The following IL1RAPL2 variants were observed in gnomAD, a reference collection of about 807,000 sequenced individuals.
IL1RAPL2 encodes the protein interleukin 1 receptor accessory protein like 2, also known as X-linked interleukin-1 receptor accessory protein-like 2.
In IL1RAPL2, 3 loss-of-function variants were observed where a neutral mutation model predicts 44.1. The ratio of observed to expected loss-of-function variants is 0.07; its 90% CI spans 0.03 to 0.18. The LOEUF (loss-of-function observed/expected upper bound fraction) is 0.18. Among genes scored for constraint, IL1RAPL2 ranks in the 10% least tolerant of loss-of-function variants. IL1RAPL2 has a pLI of 1.00. For missense variants in IL1RAPL2, 391 were observed against 496.4 expected, an observed-to-expected ratio of 0.79 and a Z score of 2.02; for synonymous variants, 181 against 178.8, an observed-to-expected ratio of 1.01 and a Z score of -0.10.
At chrX:105,273,345 G>C (rs748153322) in intron 5 of IL1RAPL2, among the ~76,000 whole-genome samples, 1 of 110,749 alleles carries the variant, frequency 9.0e-6, no homozygotes, top group Non-Finnish European at 1.9e-5. Flanking sequence ...CACCCTCCCC[G>C]GAGGCTAGCC....
Position 105,385,781 on chromosome X carries a change from C to G in IL1RAPL2, c.698-98532C>G, listed in dbSNP as rs780722837. Among the ~76,000 whole-genome samples, 424 of 110,501 alleles carry G rather than the reference C, an allele frequency of 3.8e-3. 2 individuals are homozygous for G. Among genetic ancestry groups the G allele is most frequent in the African/African-American group, 0.013 (406 of 30,419 alleles). On this transcript the variant is annotated intron_variant, in intron 5 of 10. Transcript: ENST00000372582. ...ATGGTAAGATGTCCAAGTAGAGGAA[C>G]TATTAAGTAAGTGAAATATGGGACT...
At chrX:105,466,361 T>C (rs1460711139) in intron 5 of IL1RAPL2, among the ~76,000 whole-genome samples, 1 of 111,431 alleles carries the variant, frequency 9.0e-6, no homozygotes, top group Admixed American at 9.5e-5. Context: ...AATCACAAGT[T>C]AAAACTGCTC....
At chrX:105,382,576 T>C (rs2035441683) in intron 5 of IL1RAPL2, among the ~76,000 whole-genome samples, 1 of 103,083 alleles carries the variant, frequency 9.7e-6, no homozygotes, top group Non-Finnish European at 1.9e-5. Flanking sequence ...TCCTCAGGGA[T>C]CTAGAACTAG....
rs1281376376 is a variant in IL1RAPL2, at chrX:105,640,671, T to TAG, written c.773-76695_773-76694insGA. Among the ~76,000 whole-genome samples, 6 of 83,422 alleles carry TAG rather than the reference T, an allele frequency of 7.2e-5. No individual in the cohort carries two copies. The East Asian group carries it at 2.0e-3, about 28-fold the overall frequency. 72.4% of individuals were successfully genotyped at this position (83,422 alleles called of 115,157 possible). A position where few individuals can be genotyped will look rare whatever the true frequency, so the allele number is the denominator to read the frequency against. On this transcript the variant is annotated intron_variant, in intron 6 of 10. Transcript: ENST00000372582. ...ATGTGTGTGTATATATATATATATATATATATATATATATATATATACACA... is the reference window on the plus strand; with the variant it reads ...ATGTGTGTGTATATATATATATATATAGATATATATATATATATATATACACA...
At chrX:104,696,293 G>A (rs1931181942) in intron 2 of IL1RAPL2, among the ~76,000 whole-genome samples, 1 of 112,023 alleles carries the variant, frequency 8.9e-6, no homozygotes, top group Admixed American at 9.5e-5. Flanking sequence ...AACAGCTAAT[G>A]GAACTAACTT....
At chrX:105,602,106 C>T (rs2037256711) in intron 6 of IL1RAPL2, among the ~76,000 whole-genome samples, 1 of 111,669 alleles carries the variant, frequency 9.0e-6, no homozygotes, top group South Asian at 3.8e-4. Flanking sequence ...ATCCAATGTC[C>T]ACTACTGCTA....
chrX:104,973,370 CA>C (rs774068263), intron 2 of IL1RAPL2, among the ~76,000 whole-genome samples: 1 of 111,519 alleles, frequency 9.0e-6, no homozygotes, highest in East Asian at 2.8e-4. Context: ...CAATGTGAGT[CA>C]AAAACTAAAA....
At chrX:104,759,155 CA>C (rs1305142719) in intron 2 of IL1RAPL2, among the ~76,000 whole-genome samples, 4 of 112,449 alleles carry the variant, frequency 3.6e-5, no homozygotes, top group African/African-American at 1.3e-4. Context: ...TCAAAGGCAT[CA>C]AATTGTAAAC....
intron 2 of IL1RAPL2, among the ~76,000 whole-genome samples, chrX:105,154,769 A>G (rs1275180945): frequency 2.7e-5 from 3 of 110,551 alleles, no homozygotes; most frequent in Non-Finnish European, 5.7e-5. Flanking sequence ...TCATGGCTCC[A>G]GTGAATACCT....
chrX:105,555,744 G>A (rs1035089835), intron 6 of IL1RAPL2, among the ~76,000 whole-genome samples: 10 of 112,059 alleles, frequency 8.9e-5, no homozygotes, highest in Non-Finnish European at 1.7e-4. Context: ...CTTTAGTTTT[G>A]GAGAAAAGCT....
chrX:105,604,547 G>C (rs983072712), intron 6 of IL1RAPL2, among the ~76,000 whole-genome samples: 2 of 110,661 alleles, frequency 1.8e-5, no homozygotes, highest in African/African-American at 6.5e-5. Context: ...CCCAGAACCA[G>C]GTGGCTTTAC....
rs140411786 is a variant in IL1RAPL2 at position 105,393,896 on chromosome X, G to C, written c.698-90417G>C. Among the ~76,000 whole-genome samples the C allele has an allele frequency of 2.7e-5, 3 of 112,157 alleles. No homozygotes were observed. In the East Asian group the frequency reaches 8.4e-4, roughly 32 times the overall value. On this transcript the variant is annotated intron_variant, in intron 5 of 10. Transcript: ENST00000372582. ...TTATCAGCCTCCCTATTTCATAAGT[G>C]AGGAAACTGAGGCACAGATAATTAA...
intron 2 of IL1RAPL2, among the ~76,000 whole-genome samples, chrX:104,724,294 C>T (rs5917129): frequency 0.37 from 40,780 of 109,353 alleles, 5,926 homozygotes; most frequent in East Asian, 0.47. Flanking sequence ...TTAAGAGACA[C>T]GCAAATGAAA....
intron 2 of IL1RAPL2, among the ~76,000 whole-genome samples, chrX:105,042,418 G>GA (rs1305453429): frequency 9.1e-6 from 1 of 109,409 alleles, no homozygotes; most frequent in African/African-American, 3.3e-5. Flanking sequence ...GTGGGCGAAG[G>GA]ATATGAACAG....
At chrX:105,517,759 A>G (rs16984800) in intron 6 of IL1RAPL2, among the ~76,000 whole-genome samples, 7,945 of 111,336 alleles carry the variant, frequency 0.071, 440 homozygotes, top group African/African-American at 0.19. Context: ...TAGAAAGACA[A>G]ATTTGGGTCT....
intron 6 of IL1RAPL2, among the ~76,000 whole-genome samples, chrX:105,582,656 A>G (rs747940246): frequency 1.2e-3 from 127 of 109,561 alleles, no homozygotes; most frequent in African/African-American, 4.1e-3. Context: ...TATGCCATTT[A>G]TCAGGTTGAG....
At chrX:105,684,643 A>G (rs2037954177) in intron 6 of IL1RAPL2, among the ~76,000 whole-genome samples, 1 of 112,604 alleles carries the variant, frequency 8.9e-6, no homozygotes, top group African/African-American at 3.2e-5. Flanking sequence ...CTGCAGACTT[A>G]AACATCCCTG....
At chrX:104,620,979 T>G in intron 1 of IL1RAPL2, among the ~76,000 whole-genome samples, 1 of 100,743 alleles carries the variant, frequency 9.9e-6, no homozygotes, top group Non-Finnish European at 1.9e-5. Context: ...AATAATATAA[T>G]ATAATAACAT....
At position 104,659,545 on chromosome X, in the gene IL1RAPL2, C is replaced by G. The variant is rs72616874; in HGVS notation, c.82+550C>G. ...GGTCTGGCAGGCAGCCATGACTGTACTAAGAGATTAGCTGTAGCCAGTACA... is the reference window on the plus strand; with the variant it reads ...GGTCTGGCAGGCAGCCATGACTGTAGTAAGAGATTAGCTGTAGCCAGTACA... On this transcript the variant is annotated intron_variant, in intron 2 of 10. Coordinates refer to ENST00000372582, the MANE Select transcript of IL1RAPL2 (RefSeq NM_017416.2). Among the ~76,000 whole-genome samples, 405 of 111,983 alleles carry G rather than the reference C, an allele frequency of 3.6e-3. 6 individuals carry two copies. In the East Asian group the frequency reaches 0.06, roughly 17 times the overall value.
Sources: gnomAD v4.1 joint callset for allele counts (sites outside exome capture counted in the v4.1 genomes callset) on GRCh38, gnomAD v4.1.1 for gene constraint, MANE v1.5 for transcripts, NCBI Gene and HGNC (gene_info 2026-07-23, HGNC 2026-07-21) for gene names.